Variants in DYSF observed in about 807,000 individuals in gnomAD.
The protein encoded by DYSF is dysferlin, also known as dystrophy-associated fer-1-like 1.
A neutral mutation model predicts 274.9 loss-of-function variants in DYSF; 212 were observed. The observed-to-expected ratio is 0.77, with a 90% CI of 0.69 to 0.86. The LOEUF is 0.86. Among genes scored for constraint, DYSF ranks in the 40% least tolerant of loss-of-function variants. The pLI, the probability that DYSF is intolerant of heterozygous loss-of-function variation, is 0.00. For synonymous variants in DYSF, 1,091 were observed against 1,078.7 expected, an observed-to-expected ratio of 1.01 and a Z score of -0.22; for missense variants, 2,666 against 2,783.2, an observed-to-expected ratio of 0.96 and a Z score of 0.95.
chr2:71,519,092 C>CAAAAAAAAAA (rs70959240), intron 10 of DYSF, among the ~76,000 whole-genome samples: 3 of 59,730 alleles, frequency 5.0e-5, no homozygotes, highest in Non-Finnish European at 8.6e-5. Context: ...CACTCCATCT[C>CAAAAAAAAAA]AAAAAAAAAA....
chr2:71,586,753 C>T (rs970660266), intron 30 of DYSF, among the ~76,000 whole-genome samples: 5 of 152,088 alleles, frequency 3.3e-5, no homozygotes, highest in South Asian at 4.2e-4. Context: ...CAGCCATCCG[C>T]GAGCAGGGAG....
At chr2:71,595,405 T>A (rs1203578526) in intron 32 of DYSF, among the ~76,000 whole-genome samples, 1 of 152,178 alleles carries the variant, frequency 6.6e-6, no homozygotes, top group Non-Finnish European at 1.5e-5. Flanking sequence ...GTACATACGA[T>A]CATGGCCGAG....
intron 41 of DYSF, among the ~76,000 whole-genome samples, chr2:71,629,670 C>G (rs1411327317): frequency 2.6e-5 from 4 of 152,166 alleles, no homozygotes; most frequent in African/African-American, 7.2e-5. Context: ...CATTTTGGCT[C>G]CTTATTTCTC....
At chr2:71,574,095 G>A in intron 29 of DYSF, 103 bp from the exon 30 acceptor site, 1 of 1,432,084 alleles carries the variant, frequency 7.0e-7, no homozygotes, top group Non-Finnish European at 9.6e-7. Context: ...GTGGGAGCTG[G>A]TGGGGAGTTG....
In DYSF at chr2:71,604,126, G is replaced by A. The variant is rs74909841; in HGVS notation, c.3957+1321G>A. Reference sequence around the variant, plus strand: ...AGGCCAGCAGGTTCAAAGGGTCCAAGGAGGACCTATCCCAGTGGGATGAAT... The same window carrying A: ...AGGCCAGCAGGTTCAAAGGGTCCAAAGAGGACCTATCCCAGTGGGATGAAT... On this transcript the variant is annotated intron_variant, in intron 36 of 55. Coordinates refer to ENST00000410020, the MANE Select transcript of DYSF (RefSeq NM_001130987.2). Among the ~76,000 whole-genome samples the A allele has an allele frequency of 7.8e-3, 1,187 of 152,152 alleles. 23 individuals carry two copies. Among genetic ancestry groups the A allele is most frequent in the African/African-American group, 0.027 (1,119 of 41,530 alleles).
At chr2:71,618,110 TGG>T (rs2093956627) in intron 40 of DYSF, among the ~76,000 whole-genome samples, 2 of 56,370 alleles carry the variant, frequency 3.5e-5, no homozygotes, top group South Asian at 5.7e-4. Context: ...GTGGTAGAGG[TGG>T]GGTGTGTGTG....
At chr2:71,508,446 T>A (rs1450776841) in intron 4 of DYSF, among the ~76,000 whole-genome samples, 1 of 152,264 alleles carries the variant, frequency 6.6e-6, no homozygotes, top group African/African-American at 2.4e-5. Flanking sequence ...CCTAGTTGTT[T>A]TGTTTCTTCA....
intron 47 of DYSF, among the ~76,000 whole-genome samples, chr2:71,665,628 T>C (rs2094985989): frequency 6.6e-6 from 1 of 152,210 alleles, no homozygotes; most frequent in Non-Finnish European, 1.5e-5. Flanking sequence ...CTCAGTCTCT[T>C]TCTGGCATTG....
chr2:71,655,409 A>G (rs1335434031), intron 42 of DYSF, among the ~76,000 whole-genome samples: 3 of 152,228 alleles, frequency 2.0e-5, no homozygotes. Flanking sequence ...ATTTGGAAAG[A>G]TGATTTCAGA....
chr2:71,613,388 A>G lies in DYSF; in HGVS notation c.4442A>G (p.Lys1481Arg). 2 of 1,613,464 alleles carry G rather than the reference A, an allele frequency of 1.2e-6. No individual in the cohort carries two copies. The highest frequency in any genetic ancestry group is 1.3e-5 in the African/African-American group (1 of 75,024). ...GACGTGCTCATCGACATTGATGACA[A>G]GGAGCCCCTCATCCCCATCCAGGTA... Reference protein sequence around the residue: ...GEDVLIDIDDKEPLIPIQLAD... With the variant: ...GEDVLIDIDDREPLIPIQLAD... Residue 1481 changes from lysine to arginine, a missense_variant, in exon 40 of 56, where the codon AAG becomes AGG. By Grantham distance (26) the Lys-to-Arg change is conservative. Transcript: ENST00000410020.
chr2:71,555,885 G>A (rs1170189209), intron 21 of DYSF, 80 bp from the exon 22 acceptor site: 1 of 1,158,112 alleles, frequency 8.6e-7, no homozygotes, highest in Non-Finnish European at 1.3e-6. Flanking sequence ...CAGTAGCAGT[G>A]ACAAGGCCTG....
chr2:71,472,648 C>T (rs1314543456), intron 1 of DYSF, among the ~76,000 whole-genome samples: 2 of 152,198 alleles, frequency 1.3e-5, no homozygotes, highest in East Asian at 1.9e-4. Context: ...CTTCGTGATC[C>T]ACCCGCCTTG....
At chr2:71,610,284 G>C (rs115048742) in intron 36 of DYSF, among the ~76,000 whole-genome samples, 1 of 152,300 alleles carries the variant, frequency 6.6e-6, no homozygotes, top group Non-Finnish European at 1.5e-5. Context: ...AGCTCTAAAG[G>C]TTATACAGGT....
intron 41 of DYSF, among the ~76,000 whole-genome samples, chr2:71,632,589 A>C (rs749188202): frequency 1.6e-4 from 25 of 152,322 alleles, no homozygotes; most frequent in Non-Finnish European, 3.1e-4. Context: ...AAGGAAGATA[A>C]GGTATGCTGC....
intron 36 of DYSF, among the ~76,000 whole-genome samples, chr2:71,605,371 AGCATGTGC>A (rs2093626713): frequency 6.6e-6 from 1 of 152,200 alleles, no homozygotes; most frequent in Non-Finnish European, 1.5e-5. Context: ...TGCACGTGTG[AGCATGTGC>A]GAGTGTGTAC....
At chr2:71,506,354 G>A (rs1426456227) in intron 4 of DYSF, among the ~76,000 whole-genome samples, 1 of 152,150 alleles carries the variant, frequency 6.6e-6, no homozygotes, top group African/African-American at 2.4e-5. Context: ...CTCAAGTTCT[G>A]CTGATCTCGT....
intron 12 of DYSF, among the ~76,000 whole-genome samples, chr2:71,522,833 C>T (rs771983074): frequency 7.2e-5 from 11 of 152,156 alleles, no homozygotes; most frequent in Non-Finnish European, 1.5e-4. Context: ...CTTAGTCCCC[C>T]AAACCAGAGG....
chr2:71,530,867 T>C (rs753483943), intron 14 of DYSF, among the ~76,000 whole-genome samples: 1 of 152,148 alleles, frequency 6.6e-6, no homozygotes, highest in Non-Finnish European at 1.5e-5. Flanking sequence ...GGTTACATTC[T>C]GTGTACCCAC....
chr2:71,537,236 T>G (rs1294978146), intron 16 of DYSF, among the ~76,000 whole-genome samples: 4 of 144,538 alleles, frequency 2.8e-5, no homozygotes, highest in African/African-American at 1.0e-4. Flanking sequence ...TTTTTTTTTT[T>G]TTTTTTTTTT....
Sources: allele counts gnomAD v4.1 joint callset (sites outside exome capture counted in the v4.1 genomes callset), GRCh38; gene constraint gnomAD v4.1.1; transcripts MANE v1.5; gene names NCBI Gene and HGNC (gene_info 2026-07-23, HGNC 2026-07-21).